CPNE8: variants seen among roughly 807,000 people sequenced by gnomAD.
CPNE8 encodes copine-8.
In CPNE8, 45 loss-of-function variants were observed where a neutral mutation model predicts 81.5. That is an observed-to-expected ratio of 0.55 (90% CI 0.44 to 0.71). The LOEUF (loss-of-function observed/expected upper bound fraction) is 0.71. Among genes scored for constraint, CPNE8 ranks in the 30% least tolerant of loss-of-function variants. The pLI is 0.00. For missense variants in CPNE8, 594 were observed against 672.1 expected (o/e 0.88, Z 1.28); for synonymous variants, 252 against 226.3 (o/e 1.11, Z -1.02).
intron 19 of CPNE8, among the ~76,000 whole-genome samples, chr12:38,655,985 A>C (rs1240274795): frequency 2.0e-5 from 3 of 151,556 alleles, no homozygotes; most frequent in African/African-American, 7.3e-5. Context: ...AAAAAAAAAA[A>C]CTAACAATAA....
chr12:38,698,328 G>C (rs1939847488), intron 14 of CPNE8, among the ~76,000 whole-genome samples: 1 of 152,112 alleles, frequency 6.6e-6, no homozygotes, highest in South Asian at 2.1e-4. Flanking sequence ...GGTATGATTT[G>C]CGAACATTTT....
At chr12:38,703,872 A>G (rs1024058063) in intron 13 of CPNE8, among the ~76,000 whole-genome samples, 2 of 152,142 alleles carry the variant, frequency 1.3e-5, no homozygotes, top group African/African-American at 4.8e-5. Flanking sequence ...ACAAATATCT[A>G]GAATAAATCT....
At chr12:38,903,163 C>T (rs1289649267) in intron 1 of CPNE8, among the ~76,000 whole-genome samples, 5 of 152,140 alleles carry the variant, frequency 3.3e-5, no homozygotes, top group Non-Finnish European at 7.4e-5. Flanking sequence ...ATTCCAAAGG[C>T]ACTAACTTGG....
chr12:38,662,776 T>G (rs968169378), intron 19 of CPNE8, among the ~76,000 whole-genome samples: 3 of 152,106 alleles, frequency 2.0e-5, no homozygotes, highest in Non-Finnish European at 2.9e-5. Flanking sequence ...AGAAAGGCAC[T>G]GGCATAAAAA....
upstream of CPNE8, chr12:38,905,793 C>T (rs1244080348): frequency 5.1e-6 from 5 of 985,234 alleles, no homozygotes; most frequent in African/African-American, 3.5e-5. Context: ...AGCCCCCTTC[C>T]GGCAGGCAGC....
intron 3 of CPNE8, among the ~76,000 whole-genome samples, chr12:38,869,236 T>G (rs953138561): frequency 6.6e-6 from 1 of 152,186 alleles, no homozygotes; most frequent in African/African-American, 2.4e-5. Flanking sequence ...TTACAGAATT[T>G]TATAATGCAG....
Position 38,760,891 on chromosome 12 carries a change from G to C in CPNE8, c.681-3C>G. 1 of 1,553,284 alleles carries C rather than the reference G, an allele frequency of 6.4e-7. No homozygotes were observed. The highest frequency in any genetic ancestry group is 8.6e-7 in the Non-Finnish European group (1 of 1,157,952). On this transcript the variant is annotated splice_region_variant and splice_polypyrimidine_tract_variant and intron_variant, in intron 9 of 19. Coordinates refer to ENST00000331366, the MANE Select transcript of CPNE8 (RefSeq NM_153634.3). ...CATACACCTCTACTTTGATTGTTCT[G>C]TACATGAGAAAAACATACACATAAA...
In CPNE8 at chr12:38,653,661, T is replaced by G. The variant is rs531686977; in HGVS notation, c.*221A>C. The G allele has an allele frequency of 4.6e-5, 17 of 368,160 alleles. No individual in the cohort carries two copies. Among genetic ancestry groups the G allele is most frequent in the Non-Finnish European group, 7.6e-5 (16 of 210,046 alleles). The allele number at this position is 368,160 out of a possible 1,614,324, so 22.8% of individuals were successfully genotyped here. A position where few individuals can be genotyped will look rare whatever the true frequency, so the allele number is the denominator to read the frequency against. ...AGATTTAGAGAAGACATCCATACTTTGCTTCAAGCATTTAAACAATTTTTT... is the reference window on the plus strand; with the variant it reads ...AGATTTAGAGAAGACATCCATACTTGGCTTCAAGCATTTAAACAATTTTTT... On this transcript the variant is annotated 3_prime_UTR_variant, in exon 20 of 20. Coordinates refer to ENST00000331366, the MANE Select transcript of CPNE8 (RefSeq NM_153634.3).
chr12:38,713,399 G>A (rs1386125350), intron 13 of CPNE8, among the ~76,000 whole-genome samples: 2 of 152,110 alleles, frequency 1.3e-5, no homozygotes, highest in Non-Finnish European at 2.9e-5. Context: ...GAGTTCAGCT[G>A]AGACAAATTC....
At position 38,664,783 on chromosome 12, in the gene CPNE8, C is replaced by T. The variant is rs186482004; in HGVS notation, c.1506+5946G>A. Among the ~76,000 whole-genome samples the T allele has an allele frequency of 7.9e-5, 12 of 152,130 alleles. No individual in the cohort carries two copies. The East Asian group carries it at 2.1e-3, about 27-fold the overall frequency. On this transcript the variant is annotated intron_variant, in intron 19 of 19. Coordinates refer to ENST00000331366, the MANE Select transcript of CPNE8 (RefSeq NM_153634.3). ...GTAAAAAAGAAATCCTCAATTTCAA[C>T]CTAGGATGGGAGTATACATCACATT...
intron 1 of CPNE8, among the ~76,000 whole-genome samples, chr12:38,890,172 C>CT (rs146075426): frequency 0.072 from 10,905 of 151,330 alleles, 1,029 homozygotes; most frequent in African/African-American, 0.21. Context: ...TTATAATTTT[C>CT]TTTTTTTTTC....
intron 5 of CPNE8, among the ~76,000 whole-genome samples, chr12:38,833,923 CAGA>C (rs1943340983): frequency 6.6e-6 from 1 of 152,078 alleles, no homozygotes; most frequent in African/African-American, 2.4e-5. Flanking sequence ...AGAAGCATTA[CAGA>C]TAGGAGAAAA....
At chr12:38,899,394 C>G (rs1289386765) in intron 1 of CPNE8, among the ~76,000 whole-genome samples, 5 of 152,234 alleles carry the variant, frequency 3.3e-5, no homozygotes, top group African/African-American at 1.2e-4. Flanking sequence ...AAAAAAAGCT[C>G]ACATCAGAAC....
chr12:38,735,792 A>G (rs1433363532), intron 10 of CPNE8, among the ~76,000 whole-genome samples: 4 of 151,940 alleles, frequency 2.6e-5, no homozygotes, highest in Non-Finnish European at 5.9e-5. Flanking sequence ...ATTTTTAATT[A>G]ATTGCCCCAG....
chr12:38,724,559 G>C (rs1940649250), intron 12 of CPNE8, among the ~76,000 whole-genome samples: 1 of 152,064 alleles, frequency 6.6e-6, no homozygotes, highest in African/African-American at 2.4e-5. Flanking sequence ...ATTATACTTG[G>C]ATTCCACTGA....
At chr12:38,749,367 C>T (rs1280463006) in intron 10 of CPNE8, among the ~76,000 whole-genome samples, 2 of 150,672 alleles carry the variant, frequency 1.3e-5, no homozygotes, top group Non-Finnish European at 2.9e-5. Context: ...CAGGCTAATA[C>T]ACTAAATTGG....
chr12:38,803,669 A>T (rs1483989722), intron 6 of CPNE8, among the ~76,000 whole-genome samples: 1 of 149,984 alleles, frequency 6.7e-6, no homozygotes, highest in Non-Finnish European at 1.5e-5. Flanking sequence ...GCAATCAGGC[A>T]GGAGAAGGAA....
At chr12:38,743,820 T>C (rs893589949) in intron 10 of CPNE8, among the ~76,000 whole-genome samples, 1 of 151,728 alleles carries the variant, frequency 6.6e-6, no homozygotes, top group African/African-American at 2.4e-5. Context: ...AGAAGCGTTG[T>C]GTCAGTAATT....
chr12:38,851,127 T>C (rs1269456938), intron 3 of CPNE8, among the ~76,000 whole-genome samples: 1 of 152,064 alleles, frequency 6.6e-6, no homozygotes, highest in African/African-American at 2.4e-5. Flanking sequence ...TGTGAGAAAA[T>C]AAATTTCTCT....
Sources: gnomAD v4.1 joint callset for allele counts (sites outside exome capture counted in the v4.1 genomes callset) on GRCh38, gnomAD v4.1.1 for gene constraint, MANE v1.5 for transcripts, NCBI Gene and HGNC (gene_info 2026-07-23, HGNC 2026-07-21) for gene names.